Variants in CCDC40 observed in about 807,000 individuals in gnomAD.
CCDC40 encodes the protein coiled-coil domain 40 molecular ruler complex subunit, also known as coiled-coil domain-containing protein 40.
Under a neutral mutation model 124.5 loss-of-function variants are expected in CCDC40, and 104 were observed. That is an observed-to-expected ratio of 0.84 (90% CI 0.71 to 0.98). The LOEUF is 0.98. CCDC40 is among the 50% of genes least tolerant of loss of function. The probability of loss-of-function intolerance (pLI) is 0.00; values close to 1 mark genes in which losing one functional copy is unlikely to be tolerated. For missense variants in CCDC40, 1,463 were observed against 1,503.9 expected, an observed-to-expected ratio of 0.97 and a Z score of 0.45; for synonymous variants, 580 against 602.9, an observed-to-expected ratio of 0.96 and a Z score of 0.56.
rs1037760164 is a variant in CCDC40 at position 80,060,317 on chromosome 17, A to G, written c.1440+1337A>G. ...CAGCACTTGGGGAGGCTGAGGCAAG[A>G]GGATGGCTTGAGCCCAGAAGTTCAA... On this transcript the variant is annotated intron_variant, in intron 9 of 19. Transcript: ENST00000397545. Among the ~76,000 whole-genome samples the G allele has an allele frequency of 1.2e-4, 18 of 152,094 alleles. No individual in the cohort carries two copies. The South Asian group carries it at 3.5e-3, about 30-fold the overall frequency.
chr17:80,083,906 G>A (rs987497456), intron 12 of CCDC40, among the ~76,000 whole-genome samples: 4 of 152,228 alleles, frequency 2.6e-5, no homozygotes, highest in African/African-American at 7.2e-5. Flanking sequence ...AGCTTACAGA[G>A]CACAGGAACA....
At chr17:80,088,392 C>T (rs2038635408) in intron 16 of CCDC40, 1 of 449,028 alleles carries the variant, frequency 2.2e-6, no homozygotes, top group East Asian at 4.6e-5. Context: ...GCTGGGATTA[C>T]AGGTGCCCGC....
chr17:80,095,559 A>C, intron 18 of CCDC40, 108 bp downstream of exon 18: 3 of 1,062,908 alleles, frequency 2.8e-6, no homozygotes, highest in Non-Finnish European at 4.2e-6. Flanking sequence ...CAGAGGCTGC[A>C]GTGGGGGCGT....
chr17:80,095,980 G>C (rs566769843), intron 18 of CCDC40, among the ~76,000 whole-genome samples: 11 of 152,352 alleles, frequency 7.2e-5, no homozygotes, highest in Non-Finnish European at 1.2e-4. Flanking sequence ...CACTGGGAGG[G>C]CCCAGCTGGT....
intron 9 of CCDC40, among the ~76,000 whole-genome samples, chr17:80,060,874 T>A (rs1271129142): frequency 6.6e-6 from 1 of 152,234 alleles, no homozygotes; most frequent in African/African-American, 2.4e-5. Context: ...ATTTGGTTAA[T>A]CATTTGGGAA....
At position 80,099,667 on chromosome 17, in the gene CCDC40, C is replaced by T. The variant is rs377384113; in HGVS notation, c.3321C>T (p.Ile1107=). The change falls in exon 20 of 20, where the codon ATC becomes ATT. Residue 1107 remains isoleucine (I), a synonymous_variant. Transcript: ENST00000397545. ...RQRLDKRLAL[I]ATILDRVRDE... is the part of the protein sequence containing the mutation. ...GCCTGGACAAGCGACTGGCTCTCAT[C>T]GCCACCATCCTGGACCGCGTGCGGG... 51 of 1,613,932 alleles carry T rather than the reference C, an allele frequency of 3.2e-5. No individual in the cohort carries two copies. Among genetic ancestry groups the T allele is most frequent in the East Asian group, 1.3e-4 (6 of 44,884 alleles).
intron 13 of CCDC40, 49 bp downstream of exon 13, chr17:80,085,037 G>A: frequency 6.2e-7 from 1 of 1,605,200 alleles, no homozygotes; most frequent in Non-Finnish European, 8.5e-7. Context: ...TGTGGTGCCT[G>A]GTGGGGCAGA....
intron 10 of CCDC40, among the ~76,000 whole-genome samples, chr17:80,077,636 TG>T (rs772594113): frequency 2.6e-5 from 4 of 152,248 alleles, no homozygotes; most frequent in Non-Finnish European, 5.9e-5. Flanking sequence ...CGCCAACATT[TG>T]GTATTATCAG....
rs1215083986 is a variant in CCDC40, at chr17:80,086,119, G to A, written c.2352G>A (p.Met784Ile). The change falls in exon 14 of 20, where the codon ATG (methionine) becomes ATA (isoleucine). Residue 784 changes from methionine (M) to isoleucine (I), a missense_variant. Met to Ile is a conservative substitution (Grantham distance 10). Coordinates refer to ENST00000397545, the MANE Select transcript of CCDC40 (RefSeq NM_017950.4). The surrounding 1 kb of genome is among the most constrained non-coding windows in gnomAD (Gnocchi z 5.5). ...CCTGGCTGCGCCTGCAGCAGGAGAT[G>A]GTCAAGGTGACACAGGAGCAGGAGG... The part of the protein sequence containing the change: ...QVTWLRLQQE[M>I]VKVTQEQEEQ... 6.2e-7 allele frequency: 1 copy of A among 1,614,136 alleles called. No homozygotes were observed. The highest frequency in any genetic ancestry group is 1.7e-5 in the Admixed American group (1 of 60,024).
At chr17:80,085,435 C>T (rs867079708) in intron 13 of CCDC40, among the ~76,000 whole-genome samples, 1 of 152,210 alleles carries the variant, frequency 6.6e-6, no homozygotes, top group Non-Finnish European at 1.5e-5. Context: ...ACTCTCAAAG[C>T]CCCTTTGGGT....
chr17:80,061,617 G>C (rs912104497), intron 9 of CCDC40, among the ~76,000 whole-genome samples: 1 of 152,172 alleles, frequency 6.6e-6, no homozygotes, highest in Non-Finnish European at 1.5e-5. Flanking sequence ...CCAGGGAAGG[G>C]GGCCGCCCGC....
intron 10 of CCDC40, among the ~76,000 whole-genome samples, chr17:80,069,191 C>T (rs1020565294): frequency 2.0e-5 from 3 of 151,996 alleles, no homozygotes; most frequent in African/African-American, 4.8e-5. Flanking sequence ...CGTCTGATGT[C>T]GAGTCTACAA....
rs1452859091 is a variant in CCDC40, at chr17:80,097,326, G to A, written c.3103G>A (p.Glu1035Lys). The A allele has an allele frequency of 1.1e-5, 17 of 1,613,854 alleles. No individual in the cohort carries two copies. The highest frequency in any genetic ancestry group is 1.1e-5 in the Non-Finnish European group (13 of 1,180,040). The part of the protein sequence containing the change: ...NVSSSLLEKQ[E>K]KLSVIQADFD... ...GAGCAGCTCCCTCCTAGAGAAGCAG[G>A]AAAAGCTGTCGGTGATTCAGGCAGA... Residue 1035 changes from glutamate to lysine, a missense_variant, in exon 19 of 20, where the codon GAA becomes AAA. By Grantham distance (56) the Glu-to-Lys change is moderately conservative. Transcript: ENST00000397545.
intron 10 of CCDC40, among the ~76,000 whole-genome samples, chr17:80,073,857 G>A (rs1013986775): frequency 1.3e-5 from 2 of 150,772 alleles, no homozygotes; most frequent in African/African-American, 2.4e-5. Context: ...CACCGTGCCC[G>A]GCTAATTTTT....
intron 10 of CCDC40, among the ~76,000 whole-genome samples, chr17:80,078,932 C>CT (rs529655342): frequency 0.04 from 5,285 of 131,630 alleles, 184 homozygotes; most frequent in South Asian, 0.14. Context: ...GTATCAGTAT[C>CT]TTTTTTTTTT....
At chr17:80,082,878 TACG>T (rs1422868894) in intron 12 of CCDC40, among the ~76,000 whole-genome samples, 2 of 152,336 alleles carry the variant, frequency 1.3e-5, no homozygotes, top group African/African-American at 2.4e-5. Flanking sequence ...ATTCGTCTAT[TACG>T]ACAATTTTCC....
Position 80,083,121 on chromosome 17 carries a change from C to T in CCDC40, c.1989+1063C>T, listed in dbSNP as rs538975316. On this transcript the variant is annotated intron_variant, in intron 12 of 19. Coordinates refer to ENST00000397545, the MANE Select transcript of CCDC40 (RefSeq NM_017950.4). ...GGAGCCAGGGTGGGCTCCACAGAGACCACAAACAGCCAGGAGTGGAGCGGG... is the reference window on the plus strand; with the variant it reads ...GGAGCCAGGGTGGGCTCCACAGAGATCACAAACAGCCAGGAGTGGAGCGGG... Among the ~76,000 whole-genome samples the T allele has an allele frequency of 4.2e-4, 64 of 151,868 alleles. 2 individuals carry two copies. The highest frequency in any genetic ancestry group is 1.0e-4 in the Non-Finnish European group (7 of 67,968).
chr17:80,058,517 G>A lies in CCDC40; in HGVS notation c.1183G>A (p.Glu395Lys), dbSNP rs1189425928. ...AGTGGCGGCTCTGCAGACTGAGATG[G>A]AGAACTTGGCCCTGCATCTCTTCTA... is the stretch of plus-strand genomic sequence containing the variant. Reference protein sequence around the residue: ...KKLAALQTEMENLALHLFYMQ... With the variant: ...KKLAALQTEMKNLALHLFYMQ... Residue 395 changes from glutamate to lysine, a missense_variant, in exon 8 of 20, where the codon GAG (glutamate) becomes AAG (lysine). Physicochemically the swap from Glu to Lys is moderately conservative, Grantham distance 56 (BLOSUM62 1). Transcript: ENST00000397545. This position sits in a 1 kb window ranked among gnomAD's most constrained non-coding sequence, Gnocchi z 4.2. The A allele has an allele frequency of 2.5e-6, 4 of 1,614,114 alleles. No individual in the cohort carries two copies. The highest frequency in any genetic ancestry group is 1.7e-5 in the Admixed American group (1 of 60,028).
chr17:80,091,342 C>G (rs62075582), intron 17 of CCDC40, among the ~76,000 whole-genome samples: 108,866 of 144,706 alleles, frequency 0.75, 41,073 homozygotes, highest in Middle Eastern at 0.87. Flanking sequence ...CACACACACA[C>G]AGAGAGAGAG....
Sources: allele counts gnomAD v4.1 joint callset (sites outside exome capture counted in the v4.1 genomes callset), GRCh38; gene constraint gnomAD v4.1.1; non-coding constraint Gnocchi (gnomAD v3.1); transcripts MANE v1.5; gene names NCBI Gene and HGNC (gene_info 2026-07-23, HGNC 2026-07-21).